The following SORCS1 variants were observed in gnomAD, a reference collection of about 807,000 sequenced individuals.
The protein encoded by SORCS1 is VPS10 domain-containing receptor SorCS1.
SORCS1 carries 60 observed loss-of-function variants against 146.1 expected under a neutral mutation model. The observed-to-expected ratio is 0.41, with a 90% CI of 0.33 to 0.51. The LOEUF is 0.51. Among genes scored for constraint, SORCS1 ranks in the 20% least tolerant of loss-of-function variants. SORCS1 has a pLI of 0.21. For synonymous variants in SORCS1, 637 were observed against 584.0 expected, an observed-to-expected ratio of 1.09 and a Z score of -1.31; for missense variants, 1,352 against 1,487.6, an observed-to-expected ratio of 0.91 and a Z score of 1.50.
intron 1 of SORCS1, among the ~76,000 whole-genome samples, chr10:107,044,912 T>A (rs748246716): frequency 2.2e-4 from 33 of 152,012 alleles, no homozygotes; most frequent in Admixed American, 8.5e-4. Context: ...AGTTTTATAT[T>A]GAAGGGTTAA....
rs1468537064 is a variant in SORCS1, at chr10:106,776,533, C to T, written c.885+1G>A. 1.9e-6 allele frequency: 3 copies of T among 1,613,822 alleles called. No homozygotes were observed. Among genetic ancestry groups the T allele is most frequent in the Non-Finnish European group, 2.5e-6 (3 of 1,179,844 alleles). Reference sequence around the variant, plus strand: ...GTCTCAAACAAGGTAAGTATGCTCACCTTTTGGTCTTGACTGTATGCCAGA... The same window carrying T: ...GTCTCAAACAAGGTAAGTATGCTCATCTTTTGGTCTTGACTGTATGCCAGA... On this transcript the variant is annotated splice_donor_variant, in intron 4 of 25. Coordinates refer to ENST00000263054, the MANE Select transcript of SORCS1 (RefSeq NM_052918.5). LOFTEE classifies it high-confidence loss of function.
chr10:106,628,942 A>G (rs927638220), intron 19 of SORCS1, among the ~76,000 whole-genome samples: 6 of 152,208 alleles, frequency 3.9e-5, no homozygotes, highest in Non-Finnish European at 8.8e-5. Flanking sequence ...TTCAAGTGTC[A>G]TATCTTCAAG....
In SORCS1 at chr10:106,878,620, G is replaced by GTATATATATATATATATA. The variant is rs3982430; in HGVS notation, c.627-48965_627-48948dup. Among the ~76,000 whole-genome samples the GTATATATATATATATATA allele has an allele frequency of 2.9e-3, 242 of 84,886 alleles. 1 individual carries two copies. Among genetic ancestry groups the GTATATATATATATATATA allele is most frequent in the African/African-American group, 6.8e-3 (149 of 21,770 alleles). The allele number at this position is 84,886 out of a possible 152,430, so 55.7% of individuals were successfully genotyped here. A position where few individuals can be genotyped will look rare whatever the true frequency, so the allele number is the denominator to read the frequency against. On this transcript the variant is annotated intron_variant, in intron 2 of 25. Coordinates refer to ENST00000263054, the MANE Select transcript of SORCS1 (RefSeq NM_052918.5). The stretch of plus-strand genomic sequence containing the variant: ...AAATTTGTTTTTTATAAACTACCTA[G>GTATATATATATATATATA]TATATATATATATATATATATATAT...
At chr10:106,641,934 A>T (rs1056030464) in intron 18 of SORCS1, among the ~76,000 whole-genome samples, 1 of 152,212 alleles carries the variant, frequency 6.6e-6, no homozygotes, top group Non-Finnish European at 1.5e-5. Flanking sequence ...CAAAACATAT[A>T]TTCCCACAAA....
chr10:106,732,776 T>C (rs1856687440), intron 5 of SORCS1, among the ~76,000 whole-genome samples: 1 of 152,182 alleles, frequency 6.6e-6, no homozygotes, highest in South Asian at 2.1e-4. Flanking sequence ...TTATCTTTAA[T>C]GGCAAAGCTG....
intron 1 of SORCS1, among the ~76,000 whole-genome samples, chr10:107,159,611 G>A (rs1969554251): frequency 6.6e-6 from 1 of 151,988 alleles, no homozygotes. Context: ...TTTTAGATGG[G>A]GAGACTCAGG....
intron 1 of SORCS1, among the ~76,000 whole-genome samples, chr10:106,980,041 T>C (rs979147393): frequency 4.6e-5 from 7 of 152,190 alleles, no homozygotes; most frequent in Non-Finnish European, 7.4e-5. Context: ...CAAGTCCACA[T>C]TGGCAGTTGG....
intron 1 of SORCS1, among the ~76,000 whole-genome samples, chr10:107,062,723 C>A (rs1434447187): frequency 3.9e-5 from 6 of 152,126 alleles, no homozygotes; most frequent in Admixed American, 3.9e-4. Context: ...TATGACATGC[C>A]TCTATTACCT....
In SORCS1 at chr10:106,924,764, ATT is replaced by A. The variant is rs368269912; in HGVS notation, c.626+31747_626+31748del. Among the ~76,000 whole-genome samples the A allele has an allele frequency of 7.9e-3, 791 of 99,916 alleles. 5 individuals carry two copies. Among genetic ancestry groups the A allele is most frequent in the African/African-American group, 0.023 (760 of 33,552 alleles). 65.5% of individuals were successfully genotyped at this position (99,916 alleles called of 152,430 possible). On this transcript the variant is annotated intron_variant, in intron 2 of 25. Coordinates refer to ENST00000263054, the MANE Select transcript of SORCS1 (RefSeq NM_052918.5). ...TCAATTTTTACATTTAACTGCATGG[ATT>A]TTTTTTTTTTTTTATGTTAAGGCAA...
At chr10:107,096,301 G>T (rs747319234) in intron 1 of SORCS1, among the ~76,000 whole-genome samples, 2 of 152,168 alleles carry the variant, frequency 1.3e-5, no homozygotes, top group Non-Finnish European at 2.9e-5. Context: ...AGGTAAAAGG[G>T]ACTGGCTATG....
rs117030414 is a variant in SORCS1, at chr10:106,758,723, C to T, written c.959+2865G>A. 2.4e-3 allele frequency among the ~76,000 whole-genome samples: 359 copies of T among 152,064 alleles called. 4 individuals carry two copies. The highest frequency in any genetic ancestry group is 8.2e-3 in the African/African-American group (341 of 41,472). On this transcript the variant is annotated intron_variant, in intron 5 of 25. Coordinates refer to ENST00000263054, the MANE Select transcript of SORCS1 (RefSeq NM_052918.5). ...CAGAGATGAAGGTTTCTCATGAATA[C>T]GATACAAAATTAGTAAGAGAGGGAG...
At chr10:107,040,146 T>C (rs1959090344) in intron 1 of SORCS1, among the ~76,000 whole-genome samples, 2 of 152,198 alleles carry the variant, frequency 1.3e-5, no homozygotes, top group Admixed American at 6.5e-5. Context: ...CCCAAGTTAC[T>C]GTTATCACCG....
At chr10:107,178,504 T>TATATATA in the SORCS1 span, among the ~76,000 whole-genome samples, 2 of 145,270 alleles carry the variant, frequency 1.4e-5, no homozygotes, top group Non-Finnish European at 3.0e-5. Context: ...ATATATATAT[T>TATATATA]TTTTTTTAAG....
At chr10:106,885,405 G>A (rs1411376771) in intron 2 of SORCS1, among the ~76,000 whole-genome samples, 1 of 152,002 alleles carries the variant, frequency 6.6e-6, no homozygotes, top group Admixed American at 6.5e-5. Flanking sequence ...CTCAATTATT[G>A]AATGCTTCAT....
At chr10:106,886,969 G>A (rs1425196861) in intron 2 of SORCS1, among the ~76,000 whole-genome samples, 1 of 152,210 alleles carries the variant, frequency 6.6e-6, no homozygotes, top group Non-Finnish European at 1.5e-5. Flanking sequence ...GGGACCTAGA[G>A]ACTGTGACCT....
intron 2 of SORCS1, among the ~76,000 whole-genome samples, chr10:106,946,928 A>G (rs961575502): frequency 6.6e-6 from 1 of 152,218 alleles, no homozygotes; most frequent in African/African-American, 2.4e-5. Flanking sequence ...GATAACCATT[A>G]TAAGTCAAAG....
chr10:106,758,195 G>C (rs1858803724), intron 5 of SORCS1, among the ~76,000 whole-genome samples: 1 of 152,166 alleles, frequency 6.6e-6, no homozygotes, highest in South Asian at 2.1e-4. Flanking sequence ...CTTCTTCAAG[G>C]AATAGGAAAG....
chr10:106,751,792 C>T (rs979121469), intron 5 of SORCS1, among the ~76,000 whole-genome samples: 1 of 152,138 alleles, frequency 6.6e-6, no homozygotes, highest in African/African-American at 2.4e-5. Context: ...TACATGTGTA[C>T]ATGTACAAGC....
intron 18 of SORCS1, among the ~76,000 whole-genome samples, chr10:106,637,946 T>G (rs1026984639): frequency 1.3e-5 from 2 of 152,208 alleles, no homozygotes; most frequent in African/African-American, 4.8e-5. Flanking sequence ...ACTTGGTGTC[T>G]GGTTTAAAAT....
Sources: gnomAD v4.1 joint callset for allele counts (sites outside exome capture counted in the v4.1 genomes callset) on GRCh38, gnomAD v4.1.1 for gene constraint, MANE v1.5 for transcripts, NCBI Gene and HGNC (gene_info 2026-07-23, HGNC 2026-07-21) for gene names.